The following FKBP5 variants were observed in gnomAD, a reference collection of about 807,000 sequenced individuals.
FKBP5 encodes the protein FKBP prolyl isomerase 5.
In FKBP5, 23 loss-of-function variants were observed where a neutral mutation model predicts 50.5. That is an observed-to-expected ratio of 0.46 (90% CI 0.33 to 0.65). FKBP5 has a LOEUF of 0.65. Ranked by LOEUF, FKBP5 falls within the 30% of genes least tolerant of loss-of-function variation. The pLI is 0.02. For synonymous variants in FKBP5, 176 were observed against 190.6 expected, an observed-to-expected ratio of 0.92 and a Z score of 0.63; for missense variants, 411 against 553.1, an observed-to-expected ratio of 0.74 and a Z score of 2.58.
At chr6:35,690,339 T>A (rs888939919), upstream of FKBP5, among the ~76,000 whole-genome samples, 11 of 151,986 alleles carry the variant, frequency 7.2e-5, no homozygotes, top group African/African-American at 2.7e-4. Context: ...CCGGGCATGG[T>A]GGCGCATGCC....
At chr6:35,579,920 A>G (rs1762368967) in intron 9 of FKBP5, 116 bp downstream of exon 9, 3 of 753,372 alleles carry the variant, frequency 4.0e-6, no homozygotes, top group Middle Eastern at 3.9e-4. Flanking sequence ...ATTCAAATAA[A>G]TAAAAAAAAG....
intron 1 of FKBP5, among the ~76,000 whole-genome samples, chr6:35,727,744 ACTGAGCGCTGGAGAAGCAC>A (rs1766746299): frequency 2.0e-5 from 3 of 151,978 alleles, no homozygotes; most frequent in African/African-American, 7.2e-5. Flanking sequence ...CGCCCCCCGG[ACTGAGCGCTGGAGAAGCAC>A]GGACTGAGCG....
intron 2 of FKBP5, among the ~76,000 whole-genome samples, chr6:35,703,977 T>C (rs1387871678): frequency 6.6e-6 from 1 of 152,178 alleles, no homozygotes; most frequent in East Asian, 1.9e-4. Context: ...TTGTAGCCAC[T>C]ACCCCTGGAA....
chr6:35,654,727 C>T (rs544028522), intron 1 of FKBP5, among the ~76,000 whole-genome samples: 2 of 152,266 alleles, frequency 1.3e-5, no homozygotes, highest in East Asian at 1.9e-4. Flanking sequence ...CGGGTTCAAG[C>T]GATTCTCCTG....
chr6:35,611,433 T>C (rs1272139444), intron 5 of FKBP5, among the ~76,000 whole-genome samples: 1 of 152,148 alleles, frequency 6.6e-6, no homozygotes, highest in African/African-American at 2.4e-5. Context: ...GAGAACCACA[T>C]ACAGCCAGCA....
intron 8 of FKBP5, chr6:35,585,429 G>A: frequency 6.1e-6 from 6 of 984,754 alleles, no homozygotes; most frequent in Non-Finnish European, 7.2e-6. Context: ...TGAGAGTTTA[G>A]AAACTCACAG....
chr6:35,615,617 TA>T, intron 5 of FKBP5, among the ~76,000 whole-genome samples: 1 of 152,234 alleles, frequency 6.6e-6, no homozygotes, highest in East Asian at 1.9e-4. Flanking sequence ...ATAAACTGAA[TA>T]AATATACAGT....
Position 35,620,378 on chromosome 6 carries a change from C to T in FKBP5, c.251-104G>A, listed in dbSNP as rs572825975. The T allele has an allele frequency of 1.2e-4, 137 of 1,190,786 alleles. No individual in the cohort carries two copies. In the East Asian group the frequency reaches 3.3e-3, roughly 28 times the overall value. The allele number at this position is 1,190,786 out of a possible 1,614,324, so 73.8% of individuals were successfully genotyped here. A position where few individuals can be genotyped will look rare whatever the true frequency, so the allele number is the denominator to read the frequency against. On this transcript the variant is annotated intron_variant, in intron 3 of 10. Transcript: ENST00000357266. Reference sequence around the variant, plus strand: ...TTTCCAGTTTTTCATACTACATACTCAGCTAGAAAGTATGGGCTACAAGAT... The same window carrying T: ...TTTCCAGTTTTTCATACTACATACTTAGCTAGAAAGTATGGGCTACAAGAT...
chr6:35,706,367 T>C (rs1321403652), intron 2 of FKBP5, among the ~76,000 whole-genome samples: 2 of 142,664 alleles, frequency 1.4e-5, no homozygotes, highest in East Asian at 4.0e-4. Context: ...GAGGTTGCAG[T>C]GAGCCAAGAT....
rs369260740 is a variant in FKBP5 at position 35,599,179 on chromosome 6, A to G, written c.509-1775T>C. On this transcript the variant is annotated intron_variant, in intron 5 of 10. Coordinates refer to ENST00000357266, the MANE Select transcript of FKBP5 (RefSeq NM_004117.4). The stretch of plus-strand genomic sequence containing the variant: ...TTCTGTTATACTCATTCCATGCCCA[A>G]TAAAACAACTATTACCTTCCAAATA... Among the ~76,000 whole-genome samples, 4 of 152,304 alleles carry G rather than the reference A, an allele frequency of 2.6e-5. No individual in the cohort carries two copies. In the East Asian group the frequency reaches 7.7e-4, roughly 29 times the overall value.
At chr6:35,637,240 C>T (rs1281496168) in intron 2 of FKBP5, 82 bp from the exon 3 acceptor site, 1 of 1,232,390 alleles carries the variant, frequency 8.1e-7, no homozygotes, top group African/African-American at 1.5e-5. Flanking sequence ...CAGTCCATCC[C>T]AAGACATCCA....
intron 1 of FKBP5, among the ~76,000 whole-genome samples, chr6:35,658,571 G>A (rs943329126): frequency 1.3e-5 from 2 of 152,074 alleles, no homozygotes; most frequent in African/African-American, 4.8e-5. Flanking sequence ...AGTTTGCTGA[G>A]TTTTCATCAG....
intron 3 of FKBP5, among the ~76,000 whole-genome samples, chr6:35,624,308 G>C (rs1763930678): frequency 6.6e-6 from 1 of 152,046 alleles, no homozygotes; most frequent in Non-Finnish European, 1.5e-5. Context: ...GTCACTCTGA[G>C]ACTGTGTTCA....
At chr6:35,673,093 T>G (rs1765433514) in intron 1 of FKBP5, among the ~76,000 whole-genome samples, 1 of 152,144 alleles carries the variant, frequency 6.6e-6, no homozygotes, top group South Asian at 2.1e-4. Flanking sequence ...TTACCAGCCC[T>G]GTAAAAAGGG....
intron 1 of FKBP5, among the ~76,000 whole-genome samples, chr6:35,655,683 C>T (rs1764926769): frequency 6.6e-6 from 1 of 152,078 alleles, no homozygotes; most frequent in Admixed American, 6.6e-5. Context: ...TATCAGACAC[C>T]ATAAAGAATC....
At chr6:35,609,959 T>C (rs1392772383) in intron 5 of FKBP5, among the ~76,000 whole-genome samples, 2 of 152,342 alleles carry the variant, frequency 1.3e-5, no homozygotes, top group South Asian at 2.1e-4. Context: ...GTGCTGCTTT[T>C]TTCGTGATAT....
chr6:35,650,031 C>T (rs1764751089), intron 1 of FKBP5, among the ~76,000 whole-genome samples: 1 of 152,080 alleles, frequency 6.6e-6, no homozygotes, highest in Admixed American at 6.5e-5. Context: ...ATCCAAACAA[C>T]TAAATTGGGA....
At chr6:35,668,032 G>A (rs1422848240) in intron 1 of FKBP5, among the ~76,000 whole-genome samples, 3 of 152,108 alleles carry the variant, frequency 2.0e-5, no homozygotes, top group Non-Finnish European at 4.4e-5. Context: ...TTCAAAAAGG[G>A]AAAAAAATTA....
At chr6:35,580,951 G>T in intron 8 of FKBP5, 1 of 985,280 alleles carries the variant, frequency 1.0e-6, no homozygotes, top group Non-Finnish European at 1.2e-6. Context: ...TTACATTCTG[G>T]CAAGTGCTAG....
Sources: gnomAD v4.1 joint callset for allele counts (sites outside exome capture counted in the v4.1 genomes callset) on GRCh38, gnomAD v4.1.1 for gene constraint, MANE v1.5 for transcripts, NCBI Gene and HGNC (gene_info 2026-07-23, HGNC 2026-07-21) for gene names.